The following RPAP2 variants were observed in gnomAD, a reference collection of about 807,000 sequenced individuals.
RPAP2 encodes putative RNA polymerase II subunit B1 CTD phosphatase RPAP2.
Under a neutral mutation model 73.1 loss-of-function variants are expected in RPAP2, and 52 were observed. That is an observed-to-expected ratio of 0.71 (90% confidence interval 0.57 to 0.90). RPAP2 has a LOEUF of 0.90. RPAP2 is among the 40% of genes least tolerant of loss of function. The pLI is 0.00. For missense variants in RPAP2, 598 were observed against 701.8 expected (o/e 0.85, Z 1.67); for synonymous variants, 225 against 242.1 (o/e 0.93, Z 0.65).
intron 11 of RPAP2, among the ~76,000 whole-genome samples, chr1:92,371,708 A>G (rs1174407851): frequency 6.6e-6 from 1 of 151,674 alleles, no homozygotes; most frequent in African/African-American, 2.4e-5. Flanking sequence ...ATACTGCACA[A>G]TCTCACTTAT....
chr1:92,370,897 G>A (rs564364839), intron 11 of RPAP2, among the ~76,000 whole-genome samples: 1 of 152,258 alleles, frequency 6.6e-6, no homozygotes, highest in South Asian at 2.1e-4. Context: ...CAGAAATAAA[G>A]ACCTATAGAT....
chr1:92,316,550 TC>T lies in RPAP2; in HGVS notation c.489-4048del, dbSNP rs1651915542. Among the ~76,000 whole-genome samples the T allele has an allele frequency of 8.5e-5, 13 of 152,346 alleles. No individual in the cohort carries two copies. The South Asian group carries it at 2.7e-3, about 32-fold the overall frequency. On this transcript the variant is annotated intron_variant, in intron 6 of 12. Transcript: ENST00000610020. ...ACTTTGCTAAAATGAAAACCAATCA[TC>T]TAATTTATACCTTAGTGAAAGTAAG...
intron 9 of RPAP2, among the ~76,000 whole-genome samples, chr1:92,336,070 AG>A (rs1386289308): frequency 2.0e-5 from 3 of 152,080 alleles, no homozygotes; most frequent in South Asian, 4.1e-4. Context: ...GAAAATAAAC[AG>A]GTAAGTAAAA....
At chr1:92,373,733 TAAAAATA>T (rs1655253887) in intron 11 of RPAP2, among the ~76,000 whole-genome samples, 5 of 40,904 alleles carry the variant, frequency 1.2e-4, no homozygotes, top group South Asian at 1.1e-3. Flanking sequence ...CCGTCTCTAC[TAAAAATA>T]AAAAAAAAAA....
intron 6 of RPAP2, among the ~76,000 whole-genome samples, chr1:92,317,981 AC>A (rs1652023042): frequency 6.6e-6 from 1 of 151,908 alleles, no homozygotes; most frequent in Non-Finnish European, 1.5e-5. Flanking sequence ...TCTGACCACA[AC>A]CTCTATCTCA....
chr1:92,349,057 T>C (rs1366380246), intron 11 of RPAP2, among the ~76,000 whole-genome samples: 1 of 152,216 alleles, frequency 6.6e-6, no homozygotes, highest in African/African-American at 2.4e-5. Flanking sequence ...GCCACTAACA[T>C]TGACTGTAGG....
intron 10 of RPAP2, among the ~76,000 whole-genome samples, chr1:92,339,648 G>T (rs1263362733): frequency 6.6e-6 from 1 of 151,314 alleles, no homozygotes; most frequent in East Asian, 2.0e-4. Flanking sequence ...CTACATCTAA[G>T]GACCTCTTTA....
chr1:92,337,432 CTT>C (rs1264108932), intron 10 of RPAP2, among the ~76,000 whole-genome samples: 1 of 151,994 alleles, frequency 6.6e-6, no homozygotes, highest in East Asian at 1.9e-4. Flanking sequence ...TTCAGTAAGT[CTT>C]TTACTAGAAA....
In RPAP2 at chr1:92,387,621, C is replaced by G. The variant is rs138821954; in HGVS notation, c.*610C>G. 6.6e-6 allele frequency: 1 copy of G among 152,220 alleles called. No individual in the cohort carries two copies. Among genetic ancestry groups the G allele is most frequent in the African/African-American group, 2.4e-5 (1 of 41,520 alleles). 9.4% of individuals were successfully genotyped at this position (152,220 alleles called of 1,614,324 possible). On this transcript the variant is annotated 3_prime_UTR_variant, in exon 13 of 13. Coordinates refer to ENST00000610020, the MANE Select transcript of RPAP2 (RefSeq NM_024813.3). ...CTTTTCAAAATGTTTATCAGGTAGGCAAGTTAGCAGTTGAGGCGGAACACA... is the reference window on the plus strand; with the variant it reads ...CTTTTCAAAATGTTTATCAGGTAGGGAAGTTAGCAGTTGAGGCGGAACACA...
At chr1:92,307,610 G>A (rs1651325538) in intron 6 of RPAP2, among the ~76,000 whole-genome samples, 1 of 152,076 alleles carries the variant, frequency 6.6e-6, no homozygotes, top group Admixed American at 6.5e-5. Context: ...AGAAGTTACT[G>A]GGTCTTAGGA....
At chr1:92,304,099 A>C in intron 4 of RPAP2, 24 bp downstream of exon 4, 1 of 1,502,426 alleles carries the variant, frequency 6.7e-7, no homozygotes, top group Non-Finnish European at 9.2e-7. Context: ...TTTTTTTAAA[A>C]TATAGGCTTT....
At chr1:92,360,950 T>C (rs1376238955) in intron 11 of RPAP2, among the ~76,000 whole-genome samples, 3 of 152,148 alleles carry the variant, frequency 2.0e-5, no homozygotes, top group Non-Finnish European at 2.9e-5. Flanking sequence ...AGCCACTATG[T>C]TTAATTATGG....
At chr1:92,343,609 CATT>C (rs1218781090) in intron 10 of RPAP2, among the ~76,000 whole-genome samples, 2 of 151,972 alleles carry the variant, frequency 1.3e-5, no homozygotes, top group Non-Finnish European at 2.9e-5. Flanking sequence ...TTAAAGAAAA[CATT>C]ATAATTAATT....
At chr1:92,332,953 C>CAG (rs1205224742) in intron 8 of RPAP2, among the ~76,000 whole-genome samples, 1 of 152,034 alleles carries the variant, frequency 6.6e-6, no homozygotes, top group Non-Finnish European at 1.5e-5. Flanking sequence ...TTTCAGTTCT[C>CAG]AGAGAGAGAG....
intron 9 of RPAP2, 106 bp downstream of exon 9, chr1:92,333,579 A>C: frequency 5.1e-6 from 4 of 791,782 alleles, no homozygotes; most frequent in Non-Finnish European, 8.2e-6. Context: ...ATTTTGAAAA[A>C]TAATGTGAAA....
intron 5 of RPAP2, among the ~76,000 whole-genome samples, chr1:92,304,685 G>T (rs553847754): frequency 9.5e-4 from 144 of 152,280 alleles, no homozygotes; most frequent in African/African-American, 3.2e-3. Flanking sequence ...GACAGCGGGA[G>T]TATTGTAGAT....
intron 6 of RPAP2, among the ~76,000 whole-genome samples, chr1:92,310,808 A>T (rs1651549750): frequency 6.6e-6 from 1 of 152,116 alleles, no homozygotes; most frequent in Non-Finnish European, 1.5e-5. Flanking sequence ...GAGTAAGAAG[A>T]ACCGCTTGAA....
At position 92,397,911 on chromosome 1, in the gene RPAP2, C is replaced by G. The variant is rs1656225672; in HGVS notation, c.*10900C>G. 6.5e-6 allele frequency: 1 copy of G among 152,700 alleles called. No homozygotes were observed. Among genetic ancestry groups the G allele is most frequent in the African/African-American group, 2.4e-5 (1 of 41,378 alleles). The allele number at this position is 152,700 out of a possible 1,614,324, so 9.5% of individuals were successfully genotyped here. On this transcript the variant is annotated 3_prime_UTR_variant, in exon 13 of 13. Transcript: ENST00000610020. Reference sequence around the variant, plus strand: ...GTGGCTCACGCCTGTAATCCCAGCACTTTGGGAGACTGAGGTGGGAGGATG... The same window carrying G: ...GTGGCTCACGCCTGTAATCCCAGCAGTTTGGGAGACTGAGGTGGGAGGATG...
intron 6 of RPAP2, among the ~76,000 whole-genome samples, chr1:92,320,272 T>C (rs916052975): frequency 6.6e-6 from 1 of 152,006 alleles, no homozygotes; most frequent in African/African-American, 2.4e-5. Flanking sequence ...TGTCCTTTAA[T>C]TTTTTTCTTT....
Sources: allele counts gnomAD v4.1 joint callset (sites outside exome capture counted in the v4.1 genomes callset), GRCh38; gene constraint gnomAD v4.1.1; transcripts MANE v1.5; gene names NCBI Gene and HGNC (gene_info 2026-07-23, HGNC 2026-07-21).